Variants in DNAH7 observed in about 807,000 individuals in gnomAD.
DNAH7 encodes axonemal beta dynein heavy chain 7.
In DNAH7, 397 loss-of-function variants were observed where a neutral mutation model predicts 444.6. That is an observed-to-expected ratio of 0.89 (90% confidence interval 0.82 to 0.97). DNAH7 has a LOEUF of 0.97. DNAH7 is among the 50% of genes least tolerant of loss of function. DNAH7 has a pLI of 0.00. For missense variants in DNAH7, 4,902 were observed against 4,800.8 expected, an observed-to-expected ratio of 1.02 and a Z score of -0.62; for synonymous variants, 1,636 against 1,624.4, an observed-to-expected ratio of 1.01 and a Z score of -0.17.
intron 13 of DNAH7, 91 bp downstream of exon 13, chr2:195,987,866 T>C (rs1693027433): frequency 1.6e-6 from 2 of 1,230,030 alleles, no homozygotes; most frequent in South Asian, 3.1e-5. Context: ...GATAATGTTC[T>C]AATTATCTGT....
At chr2:195,855,676 T>C in intron 45 of DNAH7, 135 bp downstream of exon 45, 1 of 860,986 alleles carries the variant, frequency 1.2e-6, no homozygotes, top group South Asian at 2.6e-5. Context: ...GATGGGCAGA[T>C]GTGGCCTGCG....
intron 12 of DNAH7, among the ~76,000 whole-genome samples, chr2:195,992,429 G>C (rs777341519): frequency 2.0e-5 from 3 of 152,196 alleles, no homozygotes; most frequent in Non-Finnish European, 4.4e-5. Flanking sequence ...TAAAGCACTA[G>C]TGTCATCTGT....
chr2:196,045,208 G>A (rs1254477356), intron 5 of DNAH7, among the ~76,000 whole-genome samples: 1 of 144,896 alleles, frequency 6.9e-6, no homozygotes, highest in Non-Finnish European at 1.5e-5. Flanking sequence ...GGAAAAGGAG[G>A]AGGAGGAGGA....
intron 27 of DNAH7, chr2:195,903,910 A>C (rs1392205190): frequency 6.6e-6 from 1 of 152,094 alleles, no homozygotes; most frequent in East Asian, 1.9e-4. Context: ...CTGGTGCCTG[A>C]CTCATGTCTG....
intron 48 of DNAH7, among the ~76,000 whole-genome samples, chr2:195,827,786 A>G (rs1341497158): frequency 6.6e-6 from 1 of 151,760 alleles, no homozygotes; most frequent in Non-Finnish European, 1.5e-5. Context: ...TACATTGCCC[A>G]GACTGGTCTC....
At chr2:195,743,737 G>C (rs768736450) in intron 63 of DNAH7, among the ~76,000 whole-genome samples, 1 of 152,190 alleles carries the variant, frequency 6.6e-6, no homozygotes, top group Non-Finnish European at 1.5e-5. Flanking sequence ...TAAGTAGGAA[G>C]GAAAAAGCTA....
At chr2:195,936,844 T>C in intron 19 of DNAH7, 52 bp from the exon 20 acceptor site, 1 of 1,222,608 alleles carries the variant, frequency 8.2e-7, no homozygotes, top group Non-Finnish European at 1.1e-6. Context: ...ATACTAACTC[T>C]ATTTATATTC....
chr2:195,879,338 G>A lies in DNAH7; in HGVS notation c.5961+2457C>T, dbSNP rs553909796. ...AAAGCAAAAGAGAAGTAACTAAAGGGGACAATTAATAGAGTATGGTTCTGT... is the reference window on the plus strand; with the variant it reads ...AAAGCAAAAGAGAAGTAACTAAAGGAGACAATTAATAGAGTATGGTTCTGT... On this transcript the variant is annotated intron_variant, in intron 36 of 64. Transcript: ENST00000312428. Among the ~76,000 whole-genome samples the A allele has an allele frequency of 1.8e-4, 27 of 152,096 alleles. No individual in the cohort carries two copies. The East Asian group carries it at 5.0e-3, about 28-fold the overall frequency.
intron 63 of DNAH7, among the ~76,000 whole-genome samples, chr2:195,746,339 T>A (rs1693402401): frequency 6.6e-6 from 1 of 152,048 alleles, no homozygotes; most frequent in Non-Finnish European, 1.5e-5. Context: ...AGCACTCAGA[T>A]TCATAAAGCA....
chr2:195,880,999 T>G (rs1255365011), intron 36 of DNAH7, among the ~76,000 whole-genome samples: 6 of 152,226 alleles, frequency 3.9e-5, no homozygotes, highest in East Asian at 3.9e-4. Context: ...TTTTAGTTTT[T>G]TTTTTTTTTT....
chr2:195,744,220 C>T (rs1476795165), intron 63 of DNAH7, among the ~76,000 whole-genome samples: 1 of 152,264 alleles, frequency 6.6e-6, no homozygotes, highest in African/African-American at 2.4e-5. Context: ...TATCCCACAC[C>T]TGGCTCGGAG....
chr2:195,981,756 T>C (rs1692588436), intron 15 of DNAH7, among the ~76,000 whole-genome samples: 2 of 152,196 alleles, frequency 1.3e-5, no homozygotes, highest in South Asian at 2.1e-4. Context: ...AAACTGGATA[T>C]TCATATGCAG....
chr2:195,971,498 G>A (rs893184986), intron 16 of DNAH7, among the ~76,000 whole-genome samples: 2 of 152,174 alleles, frequency 1.3e-5, no homozygotes, highest in African/African-American at 2.4e-5. Flanking sequence ...GTCAAAGTGA[G>A]AGCACAGGAG....
At chr2:195,891,048 G>A (rs541396865) in intron 31 of DNAH7, among the ~76,000 whole-genome samples, 186 of 152,252 alleles carry the variant, frequency 1.2e-3, no homozygotes, top group African/African-American at 4.3e-3. Context: ...ATTGGTCTGC[G>A]GATTCTTTTT....
At chr2:196,027,665 T>C (rs1695775330) in intron 6 of DNAH7, among the ~76,000 whole-genome samples, 1 of 152,054 alleles carries the variant, frequency 6.6e-6, no homozygotes, top group African/African-American at 2.4e-5. Flanking sequence ...ATATAATTAT[T>C]ATAGGATAAT....
intron 5 of DNAH7, among the ~76,000 whole-genome samples, chr2:196,042,231 T>A (rs1398552854): frequency 1.3e-5 from 2 of 151,900 alleles, no homozygotes; most frequent in Non-Finnish European, 2.9e-5. Flanking sequence ...GATCCAGAAA[T>A]CCTATTGCTG....
At chr2:196,047,915 T>C (rs1381372230) in intron 4 of DNAH7, among the ~76,000 whole-genome samples, 1 of 151,964 alleles carries the variant, frequency 6.6e-6, no homozygotes. Context: ...ATAAAAACAT[T>C]AAAATGACTA....
Position 195,894,479 on chromosome 2 carries a change from T to C in DNAH7, c.4896+497A>G, listed in dbSNP as rs1051409156. On this transcript the variant is annotated intron_variant, in intron 30 of 64. Transcript: ENST00000312428. ...AGGTAAATAGAAATGCAATATTAGT[T>C]GAAGTATTTAAAACAGCCCCACTCC... is the stretch of plus-strand genomic sequence containing the variant. 6 of 152,240 alleles carry C rather than the reference T, an allele frequency of 3.9e-5. No individual in the cohort carries two copies. The East Asian group carries it at 1.2e-3, about 29-fold the overall frequency. The allele number at this position is 152,240 out of a possible 1,614,324, so 9.4% of individuals were successfully genotyped here.
chr2:195,990,845 ATACT>A (rs1282843343), intron 12 of DNAH7, among the ~76,000 whole-genome samples: 6 of 146,120 alleles, frequency 4.1e-5, no homozygotes, highest in East Asian at 1.9e-4. Context: ...ATACATATAT[ATACT>A]TAAATATATA....
Sources: gnomAD v4.1 joint callset for allele counts (sites outside exome capture counted in the v4.1 genomes callset) on GRCh38, gnomAD v4.1.1 for gene constraint, MANE v1.5 for transcripts, NCBI Gene and HGNC (gene_info 2026-07-23, HGNC 2026-07-21) for gene names.